Variants in AFF3 observed in about 807,000 individuals in gnomAD.
AFF3 encodes the protein AF4/FMR2 family member 3.
Under a neutral mutation model 129.7 loss-of-function variants are expected in AFF3, and 32 were observed. That is an observed-to-expected ratio of 0.25 (90% confidence interval 0.19 to 0.33). The LOEUF (loss-of-function observed/expected upper bound fraction) is 0.33. AFF3 is among the 10% of genes least tolerant of loss of function. AFF3 has a pLI of 1.00. For synonymous variants in AFF3, 644 were observed against 635.4 expected (o/e 1.01, Z -0.20); for missense variants, 1,373 against 1,592.0 (o/e 0.86, Z 2.34).
intron 7 of AFF3, among the ~76,000 whole-genome samples, chr2:99,965,779 C>A (rs1260266934): frequency 6.6e-6 from 1 of 152,212 alleles, no homozygotes; most frequent in Non-Finnish European, 1.5e-5. Context: ...GCACCAACCA[C>A]AGGTGACCCG....
chr2:99,766,623 TC>T (rs571809561), intron 8 of AFF3, among the ~76,000 whole-genome samples: 5 of 151,538 alleles, frequency 3.3e-5, no homozygotes. Context: ...ATTAAAACAT[TC>T]CCCCCCAAAA....
intron 12 of AFF3, among the ~76,000 whole-genome samples, chr2:99,654,458 C>T (rs1013734885): frequency 1.3e-5 from 2 of 151,750 alleles, no homozygotes; most frequent in East Asian, 3.9e-4. Flanking sequence ...AATAATGAAA[C>T]GAATAAATAT....
intron 16 of AFF3, 77 bp from the exon 17 acceptor site, chr2:99,583,076 C>A: frequency 7.3e-7 from 1 of 1,370,744 alleles, no homozygotes; most frequent in South Asian, 1.2e-5. Flanking sequence ...ATGACCCAAA[C>A]CACCCAACTG....
intron 11 of AFF3, among the ~76,000 whole-genome samples, chr2:99,685,232 C>A (rs375032021): frequency 6.6e-6 from 1 of 152,164 alleles, no homozygotes; most frequent in Non-Finnish European, 1.5e-5. Context: ...TGAGCCACCC[C>A]CCTGGCCTTT....
chr2:99,596,216 G>A (rs779214999), intron 14 of AFF3, among the ~76,000 whole-genome samples: 3 of 152,148 alleles, frequency 2.0e-5, no homozygotes, highest in South Asian at 2.1e-4. Flanking sequence ...TCATGACCTC[G>A]CTTTATTTGG....
At chr2:99,995,498 G>A (rs191220914) in intron 7 of AFF3, among the ~76,000 whole-genome samples, 1,969 of 151,850 alleles carry the variant, frequency 0.013, 53 homozygotes, top group African/African-American at 0.045. Context: ...TCAACTTCCC[G>A]AGTAGCTGGG....
chr2:99,992,673 CAACT>C (rs535931385), intron 7 of AFF3, among the ~76,000 whole-genome samples: 191 of 152,320 alleles, frequency 1.3e-3, no homozygotes, highest in Middle Eastern at 0.01. Flanking sequence ...AGCAATTCCA[CAACT>C]AACTACTAAA....
chr2:99,722,493 G>A (rs192880328), intron 11 of AFF3, among the ~76,000 whole-genome samples: 7 of 152,128 alleles, frequency 4.6e-5, no homozygotes, highest in East Asian at 3.9e-4. Flanking sequence ...TTAATGTTAC[G>A]GTGACTCCTT....
chr2:99,558,631 AT>A (rs1278888228), intron 22 of AFF3, among the ~76,000 whole-genome samples: 1 of 152,160 alleles, frequency 6.6e-6, no homozygotes, highest in Non-Finnish European at 1.5e-5. Flanking sequence ...CCAAAAATAC[AT>A]AAAAAAATAA....
chr2:99,947,179 G>A (rs1246320200), intron 7 of AFF3, among the ~76,000 whole-genome samples: 3 of 152,326 alleles, frequency 2.0e-5, no homozygotes, highest in African/African-American at 4.8e-5. Flanking sequence ...AGTGGCTCAT[G>A]CCTGTAATCC....
chr2:99,610,801 C>T (rs1167543477), intron 13 of AFF3, among the ~76,000 whole-genome samples: 2 of 152,120 alleles, frequency 1.3e-5, no homozygotes, highest in East Asian at 3.9e-4. Context: ...TTGTTAGCTT[C>T]TTGAGTCTGT....
intron 8 of AFF3, among the ~76,000 whole-genome samples, chr2:99,802,316 G>A (rs898506899): frequency 2.6e-5 from 4 of 152,166 alleles, no homozygotes; most frequent in Non-Finnish European, 4.4e-5. Context: ...CAAAAAGGCA[G>A]CTCTCTTCAA....
At chr2:99,613,512 T>G (rs1346988681) in intron 13 of AFF3, among the ~76,000 whole-genome samples, 1 of 152,212 alleles carries the variant, frequency 6.6e-6, no homozygotes, top group African/African-American at 2.4e-5. Context: ...ACCACAAAAG[T>G]TATATAATGT....
At chr2:99,888,770 T>C (rs923660191) in intron 7 of AFF3, among the ~76,000 whole-genome samples, 2 of 152,104 alleles carry the variant, frequency 1.3e-5, no homozygotes, top group Admixed American at 6.5e-5. Context: ...TTCAAGGAAA[T>C]GTCAGCAATG....
At chr2:99,587,509 G>A (rs933356909) in intron 15 of AFF3, among the ~76,000 whole-genome samples, 6 of 152,154 alleles carry the variant, frequency 3.9e-5, no homozygotes, top group South Asian at 2.1e-4. Flanking sequence ...GGAGAGGCAC[G>A]ACGCCATGAT....
chr2:99,793,750 T>A (rs939257482), intron 8 of AFF3, among the ~76,000 whole-genome samples: 2 of 152,206 alleles, frequency 1.3e-5, no homozygotes, highest in Non-Finnish European at 2.9e-5. Flanking sequence ...ATTTTCAGTA[T>A]CTTTGTCCAT....
intron 4 of AFF3, among the ~76,000 whole-genome samples, chr2:100,040,846 C>A (rs1213253109): frequency 1.3e-5 from 2 of 152,202 alleles, no homozygotes; most frequent in Non-Finnish European, 2.9e-5. Context: ...GAGGAGACAG[C>A]CCCACCTGGC....
intron 9 of AFF3, among the ~76,000 whole-genome samples, chr2:99,744,999 A>G (rs1450934561): frequency 3.3e-5 from 5 of 152,170 alleles, no homozygotes; most frequent in African/African-American, 1.2e-4. Flanking sequence ...CAATCCAACA[A>G]TGTTTGAGGG....
chr2:99,736,796 G>A (rs1261887230), intron 10 of AFF3, among the ~76,000 whole-genome samples: 1 of 151,814 alleles, frequency 6.6e-6, no homozygotes. Context: ...TTTTAGTAGA[G>A]ATGGGGTTTC....
Sources: allele counts gnomAD v4.1 joint callset (sites outside exome capture counted in the v4.1 genomes callset), GRCh38; gene constraint gnomAD v4.1.1; transcripts MANE v1.5; gene names NCBI Gene and HGNC (gene_info 2026-07-23, HGNC 2026-07-21).